PBX3: variants seen among roughly 807,000 people sequenced by gnomAD.
PBX3 encodes the protein PBX homeobox 3, also known as pre-B-cell leukemia transcription factor 3.
PBX3 carries 14 observed loss-of-function variants against 48.5 expected under a neutral mutation model. The observed-to-expected ratio is 0.29, with a 90% CI of 0.19 to 0.45. The LOEUF (loss-of-function observed/expected upper bound fraction) is 0.45, where lower values mean the gene tolerates loss of function less well. Ranked by LOEUF, PBX3 falls within the 20% of genes least tolerant of loss-of-function variation. PBX3 has a pLI of 1.00. For synonymous variants in PBX3, 210 were observed against 200.3 expected (o/e 1.05, Z -0.41); for missense variants, 386 against 546.7 (o/e 0.71, Z 2.93).
chr9:125,883,945 G>A (rs1187870412), intron 2 of PBX3, among the ~76,000 whole-genome samples: 2 of 152,102 alleles, frequency 1.3e-5, no homozygotes, highest in Admixed American at 6.5e-5. Context: ...TGATAGATTC[G>A]CCTGCCTGAA....
At chr9:125,965,674 C>G (rs1842516365) in intron 8 of PBX3, among the ~76,000 whole-genome samples, 157 bp from the exon 9 acceptor site, 1 of 152,170 alleles carries the variant, frequency 6.6e-6, no homozygotes, top group South Asian at 2.1e-4. Context: ...GCATTTAATC[C>G]CACTTTAACA....
chr9:125,895,382 A>G (rs1476747439), intron 2 of PBX3, among the ~76,000 whole-genome samples: 2 of 152,138 alleles, frequency 1.3e-5, no homozygotes, highest in East Asian at 1.9e-4. Flanking sequence ...CACAATTGAT[A>G]TACAAATTTT....
intron 2 of PBX3, among the ~76,000 whole-genome samples, chr9:125,878,809 TA>T (rs1273503217): frequency 6.6e-6 from 1 of 152,250 alleles, no homozygotes; most frequent in Non-Finnish European, 1.5e-5. Context: ...TAGTTTTGTT[TA>T]AAAAGTTGTA....
intron 2 of PBX3, among the ~76,000 whole-genome samples, chr9:125,862,186 G>T (rs1025675261): frequency 2.0e-5 from 3 of 152,114 alleles, no homozygotes; most frequent in Admixed American, 6.6e-5. Context: ...GTTTTTCCTG[G>T]TGGCGTTACT....
At position 125,748,640 on chromosome 9, in the gene PBX3, C is replaced by T. The variant is rs1836277698; in HGVS notation, c.274+17C>T. ...AGAAAACAGGTAAGACGCTGCGCCC[C>T]GCAGTGGGCCTGGAGACCCCCGAGG... On this transcript the variant is annotated intron_variant, in intron 2 of 8. Transcript: ENST00000373489. 1 of 1,608,570 alleles carries T rather than the reference C, an allele frequency of 6.2e-7. No homozygotes were observed. The highest frequency in any genetic ancestry group is 2.2e-5 in the East Asian group (1 of 44,856).
At chr9:125,826,612 G>A (rs1838815391) in intron 2 of PBX3, among the ~76,000 whole-genome samples, 1 of 152,006 alleles carries the variant, frequency 6.6e-6, no homozygotes. Context: ...ATATGCATAA[G>A]ATATATTAAA....
chr9:125,756,636 A>C (rs1397676940), intron 2 of PBX3, among the ~76,000 whole-genome samples: 1 of 152,180 alleles, frequency 6.6e-6, no homozygotes, highest in Non-Finnish European at 1.5e-5. Flanking sequence ...CTTCAGAGCC[A>C]TGTGGATTAT....
chr9:125,789,964 T>A (rs1837554277), intron 2 of PBX3, among the ~76,000 whole-genome samples: 1 of 152,186 alleles, frequency 6.6e-6, no homozygotes. Flanking sequence ...CAGGTTTGTT[T>A]TGATAGATTA....
At chr9:125,899,487 A>T (rs4455974) in intron 2 of PBX3, among the ~76,000 whole-genome samples, 1 of 123,062 alleles carries the variant, frequency 8.1e-6, no homozygotes, top group Non-Finnish European at 1.7e-5. Context: ...AGAGAGAGAG[A>T]GCTCACCCAC....
chr9:125,949,636 C>T (rs1362940940), intron 5 of PBX3, among the ~76,000 whole-genome samples: 2 of 152,018 alleles, frequency 1.3e-5, no homozygotes, highest in African/African-American at 4.8e-5. Context: ...GATAGGTATA[C>T]CCACTTTAAC....
chr9:125,796,492 A>G (rs908036500), intron 2 of PBX3, among the ~76,000 whole-genome samples: 1 of 152,112 alleles, frequency 6.6e-6, no homozygotes, highest in African/African-American at 2.4e-5. Flanking sequence ...CTGTTGTATT[A>G]AATTGTTCCT....
At position 125,829,468 on chromosome 9, in the gene PBX3, A is replaced by G. The variant is rs893393799; in HGVS notation, c.274+80845A>G. 9.8e-5 allele frequency among the ~76,000 whole-genome samples: 15 copies of G among 152,314 alleles called. No homozygotes were observed. The South Asian group carries it at 1.2e-3, about 13-fold the overall frequency. ...TTATGATGATATTCTTAAGAATTCT[A>G]ATATTAGGTGAGTAATCTCAACATT... On this transcript the variant is annotated intron_variant, in intron 2 of 8. Transcript: ENST00000373489.
chr9:125,766,086 T>C (rs1297884992), intron 2 of PBX3, among the ~76,000 whole-genome samples: 3 of 152,118 alleles, frequency 2.0e-5, no homozygotes, highest in Non-Finnish European at 4.4e-5. Flanking sequence ...GGACTGTAGG[T>C]TCTTAGAGGG....
intron 5 of PBX3, among the ~76,000 whole-genome samples, chr9:125,956,487 A>G (rs918716352): frequency 9.9e-5 from 15 of 152,202 alleles, no homozygotes; most frequent in African/African-American, 3.4e-4. Context: ...TGCGTGGGGG[A>G]AATACACGGT....
chr9:125,822,407 A>G (rs1216095060), intron 2 of PBX3, among the ~76,000 whole-genome samples: 2 of 152,150 alleles, frequency 1.3e-5, no homozygotes, highest in Non-Finnish European at 2.9e-5. Context: ...AGATCTGGGA[A>G]AGATCTTTAC....
In PBX3 at chr9:125,967,215, A is replaced by T. The variant is rs2118846092; in HGVS notation, c.*1292A>T. ...TCTTTTTGTATTGTATGCGATTCTG[A>T]AACTGATTGAGTCATGAAAATAATT... On this transcript the variant is annotated 3_prime_UTR_variant, in exon 9 of 9. Transcript: ENST00000373489. 2 of 152,728 alleles carry T rather than the reference A, an allele frequency of 1.3e-5. No individual in the cohort carries two copies. The highest frequency in any genetic ancestry group is 4.1e-4 in the South Asian group (2 of 4,822). The allele number at this position is 152,728 out of a possible 1,614,324, so 9.5% of individuals were successfully genotyped here.
At chr9:125,895,209 G>T (rs1011000677) in intron 2 of PBX3, among the ~76,000 whole-genome samples, 10 of 152,032 alleles carry the variant, frequency 6.6e-5, no homozygotes, top group Admixed American at 3.9e-4. Flanking sequence ...CTGGCTTAAG[G>T]ATATAAATGA....
chr9:125,856,673 A>T (rs1839732601), intron 2 of PBX3, among the ~76,000 whole-genome samples: 3 of 152,198 alleles, frequency 2.0e-5, no homozygotes. Flanking sequence ...TGTTTCTGTC[A>T]GTTGTTTGGT....
chr9:125,819,636 T>G (rs1183479195), intron 2 of PBX3, among the ~76,000 whole-genome samples: 2 of 152,152 alleles, frequency 1.3e-5, no homozygotes, highest in Non-Finnish European at 2.9e-5. Flanking sequence ...AGAAGAGGGT[T>G]TAGATATAGA....
Sources: gnomAD v4.1 joint callset for allele counts (sites outside exome capture counted in the v4.1 genomes callset) on GRCh38, gnomAD v4.1.1 for gene constraint, MANE v1.5 for transcripts, NCBI Gene and HGNC (gene_info 2026-07-23, HGNC 2026-07-21) for gene names.